CDKAL1: variants seen among roughly 807,000 people sequenced by gnomAD.
CDKAL1 encodes CDKAL1 threonylcarbamoyladenosine tRNA methylthiotransferase.
CDKAL1 carries 32 observed loss-of-function variants against 68.2 expected under a neutral mutation model. The observed-to-expected ratio is 0.47, with a 90% CI of 0.35 to 0.63. CDKAL1 has a LOEUF of 0.63. CDKAL1 is among the 30% of genes least tolerant of loss of function. The pLI, the probability that CDKAL1 is intolerant of heterozygous loss-of-function variation, is 0.00. For missense variants in CDKAL1, 606 were observed against 696.7 expected, an observed-to-expected ratio of 0.87 and a Z score of 1.47; for synonymous variants, 234 against 244.3, an observed-to-expected ratio of 0.96 and a Z score of 0.39.
chr6:20,913,560 C>T (rs990028629), intron 9 of CDKAL1, among the ~76,000 whole-genome samples: 2 of 152,194 alleles, frequency 1.3e-5, no homozygotes, highest in Non-Finnish European at 2.9e-5. Context: ...GCCAACACAG[C>T]AGACAGGTTT....
At chr6:20,865,867 C>T (rs969818468) in intron 9 of CDKAL1, among the ~76,000 whole-genome samples, 23 of 152,202 alleles carry the variant, frequency 1.5e-4, no homozygotes, top group Admixed American at 4.6e-4. Context: ...TCTATGTGCC[C>T]CTCATGCCAC....
chr6:21,198,211 A>C (rs908243911), intron 14 of CDKAL1, 107 bp downstream of exon 14: 9 of 708,754 alleles, frequency 1.3e-5, no homozygotes, highest in Admixed American at 2.7e-5. Flanking sequence ...TGTCACAACA[A>C]GGCTGTTTTA....
At chr6:20,802,430 T>C (rs1337481127) in intron 8 of CDKAL1, among the ~76,000 whole-genome samples, 2 of 151,934 alleles carry the variant, frequency 1.3e-5, no homozygotes, top group Non-Finnish European at 2.9e-5. Flanking sequence ...CCTCACCCTA[T>C]AGTCTCAAAA....
intron 15 of CDKAL1, among the ~76,000 whole-genome samples, chr6:21,206,413 T>A (rs2151113729): frequency 1.3e-5 from 2 of 152,326 alleles, no homozygotes; most frequent in Middle Eastern, 6.8e-3. Flanking sequence ...TAATAAAGGC[T>A]AACTAGTTTT....
intron 9 of CDKAL1, among the ~76,000 whole-genome samples, chr6:20,901,115 G>C (rs944129103): frequency 2.0e-5 from 3 of 151,912 alleles, no homozygotes; most frequent in African/African-American, 7.2e-5. Context: ...GAGAGAGAGA[G>C]GCCAGGAGAG....
chr6:20,609,541 G>A (rs1409246582), intron 4 of CDKAL1, among the ~76,000 whole-genome samples: 3 of 151,584 alleles, frequency 2.0e-5, no homozygotes, highest in East Asian at 1.9e-4. Flanking sequence ...GATTACAGGT[G>A]TGCACCACCA....
intron 7 of CDKAL1, among the ~76,000 whole-genome samples, chr6:20,775,769 T>G (rs1775145363): frequency 6.6e-6 from 1 of 152,214 alleles, no homozygotes; most frequent in Non-Finnish European, 1.5e-5. Flanking sequence ...GTATTTATAT[T>G]TACTATATGG....
intron 5 of CDKAL1, among the ~76,000 whole-genome samples, chr6:20,709,769 TATTATTTTCTGTG>T (rs1314249431): frequency 6.6e-6 from 1 of 152,206 alleles, no homozygotes; most frequent in Non-Finnish European, 1.5e-5. Flanking sequence ...TCCTTCAAGC[TATTATTTTCTGTG>T]ATTATTAGGA....
chr6:20,715,083 T>A (rs1433456482), intron 5 of CDKAL1, among the ~76,000 whole-genome samples: 1 of 152,204 alleles, frequency 6.6e-6, no homozygotes. Context: ...ATCTACTCAT[T>A]TAGCAAAAAT....
At chr6:20,645,754 AAAAATAAATAAATAATTTT>A (rs1768418168) in intron 4 of CDKAL1, among the ~76,000 whole-genome samples, 1 of 135,240 alleles carries the variant, frequency 7.4e-6, no homozygotes, top group South Asian at 2.4e-4. Context: ...ATAAATAAAT[AAAAATAAATAAATAATTTT>A]ATTTTATTTA....
intron 8 of CDKAL1, among the ~76,000 whole-genome samples, chr6:20,785,920 G>A (rs984625181): frequency 6.6e-6 from 1 of 152,082 alleles, no homozygotes; most frequent in Admixed American, 6.5e-5. Flanking sequence ...TATATTTCTA[G>A]CTTAAAATAT....
intron 4 of CDKAL1, among the ~76,000 whole-genome samples, chr6:20,638,334 T>C (rs140449337): frequency 6.6e-6 from 1 of 152,300 alleles, no homozygotes; most frequent in East Asian, 1.9e-4. Context: ...GAACCATATG[T>C]GTTTCATTTT....
intron 11 of CDKAL1, among the ~76,000 whole-genome samples, chr6:21,021,443 G>T (rs1267123922): frequency 1.3e-5 from 2 of 151,996 alleles, no homozygotes; most frequent in Admixed American, 6.6e-5. Flanking sequence ...AGAATTTGTT[G>T]CAGATTAAGT....
chr6:20,925,994 A>T (rs1352648832), intron 9 of CDKAL1, among the ~76,000 whole-genome samples: 1 of 152,168 alleles, frequency 6.6e-6, no homozygotes. Flanking sequence ...ATCTTTCAAG[A>T]TATTACACAG....
In CDKAL1 at chr6:21,071,906, A is replaced by G. The variant is rs545762618; in HGVS notation, c.1236+6678A>G. On this transcript the variant is annotated intron_variant, in intron 12 of 15. Transcript: ENST00000274695. ...GTTTAACAAGTGACTCTCGGGAGAA[A>G]GAGTTCTGATCTGTAGCATTTGCCA... Among the ~76,000 whole-genome samples the G allele has an allele frequency of 2.9e-4, 44 of 152,290 alleles. 2 individuals are homozygous for G. The South Asian group carries it at 8.3e-3, about 29-fold the overall frequency.
chr6:20,832,112 A>G (rs1332988055), intron 8 of CDKAL1, among the ~76,000 whole-genome samples: 1 of 152,214 alleles, frequency 6.6e-6, no homozygotes, highest in Admixed American at 6.5e-5. Context: ...TTGAACTCAA[A>G]TAAGAAGATT....
chr6:20,671,014 A>G (rs73732731), intron 5 of CDKAL1, among the ~76,000 whole-genome samples: 14,081 of 152,134 alleles, frequency 0.093, 2,092 homozygotes, highest in African/African-American at 0.31. Context: ...TTTTTATATT[A>G]TTGGAGGTAT....
At chr6:20,895,035 A>T (rs900378390) in intron 9 of CDKAL1, among the ~76,000 whole-genome samples, 1 of 152,172 alleles carries the variant, frequency 6.6e-6, no homozygotes, top group Admixed American at 6.5e-5. Context: ...CTCTACCAGA[A>T]GTAACTGCTG....
At chr6:20,914,901 C>T (rs889771555) in intron 9 of CDKAL1, among the ~76,000 whole-genome samples, 15 of 152,106 alleles carry the variant, frequency 9.9e-5, no homozygotes, top group Admixed American at 4.6e-4. Flanking sequence ...TCTAAACTCA[C>T]GTAATATGCC....
Sources: gnomAD v4.1 joint callset for allele counts (sites outside exome capture counted in the v4.1 genomes callset) on GRCh38, gnomAD v4.1.1 for gene constraint, MANE v1.5 for transcripts, NCBI Gene and HGNC (gene_info 2026-07-23, HGNC 2026-07-21) for gene names.